Variants in ABCA13 observed in about 807,000 individuals in gnomAD.
ABCA13 encodes ATP binding cassette subfamily A member 13, also known as ATP-binding cassette sub-family A member 13.
ABCA13 carries 476 observed loss-of-function variants against 478.7 expected under a neutral mutation model. The ratio of observed to expected loss-of-function variants is 0.99; its 90% CI spans 0.92 to 1.07. ABCA13 has a LOEUF of 1.07. Ranked by LOEUF, ABCA13 falls within the 50% of genes least tolerant of loss-of-function variation. The probability of loss-of-function intolerance (pLI) is 0.00; values close to 1 mark genes in which losing one functional copy is unlikely to be tolerated. For synonymous variants in ABCA13, 2,252 were observed against 2,158.9 expected (o/e 1.04, Z -1.20); for missense variants, 6,060 against 5,910.6 (o/e 1.03, Z -0.83).
At chr7:48,454,493 C>G (rs1013915736) in intron 42 of ABCA13, among the ~76,000 whole-genome samples, 1 of 152,208 alleles carries the variant, frequency 6.6e-6, no homozygotes, top group Non-Finnish European at 1.5e-5. Flanking sequence ...TTCGCTGCGT[C>G]CCCCAGAGCA....
chr7:48,270,386 A>C (rs956295853), intron 16 of ABCA13, among the ~76,000 whole-genome samples: 6 of 141,258 alleles, frequency 4.2e-5, no homozygotes, highest in African/African-American at 1.5e-4. Flanking sequence ...AAAACGTGGC[A>C]ATAATACTAT....
At position 48,274,864 on chromosome 7, in the gene ABCA13, G is replaced by A. The variant is rs766374669; in HGVS notation, c.5198G>A (p.Arg1733His). The change falls in exon 17 of 62, where the codon CGC becomes CAC. Residue 1733 changes from arginine (R) to histidine (H), a missense_variant. By Grantham distance (29) the Arg-to-His change is conservative. This residue lies in a region of ABCA13 where 4,423 missense variants were observed against 4,309.1 expected (regional missense o/e 1.03). Coordinates refer to ENST00000435803, the MANE Select transcript of ABCA13 (RefSeq NM_152701.5). ...WNVNHLLQLS[R>H]LFPKDVVDAV... ...GTTAATCATCTGCTGCAGCTCTCAC[G>A]CCTGTTTCCTAAAGATGTTGTGGAT... 40 of 1,613,764 alleles carry A rather than the reference G, an allele frequency of 2.5e-5. No individual in the cohort carries two copies. Among genetic ancestry groups the A allele is most frequent in the Middle Eastern group, 3.3e-4 (2 of 6,084 alleles).
intron 20 of ABCA13, among the ~76,000 whole-genome samples, chr7:48,295,429 A>G (rs941253309): frequency 6.6e-6 from 1 of 152,180 alleles, no homozygotes; most frequent in Admixed American, 6.5e-5. Flanking sequence ...GAGCTTCAGG[A>G]AGTTAAGAGC....
At chr7:48,427,223 G>A (rs5028267) in intron 41 of ABCA13, among the ~76,000 whole-genome samples, 41,587 of 151,814 alleles carry the variant, frequency 0.27, 5,787 homozygotes, top group East Asian at 0.37. Flanking sequence ...ATAAACTGAG[G>A]TTGGACTTCT....
At chr7:48,632,834 C>A (rs1303109781) in intron 59 of ABCA13, among the ~76,000 whole-genome samples, 1 of 152,068 alleles carries the variant, frequency 6.6e-6, no homozygotes, top group East Asian at 1.9e-4. Flanking sequence ...ATCGTGTTTT[C>A]AATAAGTAGT....
chr7:48,226,038 G>A (rs1214477190), intron 5 of ABCA13, among the ~76,000 whole-genome samples: 1 of 152,172 alleles, frequency 6.6e-6, no homozygotes, highest in Non-Finnish European at 1.5e-5. Flanking sequence ...TGGAATGTGG[G>A]GCCTGGTAGG....
intron 42 of ABCA13, among the ~76,000 whole-genome samples, chr7:48,442,477 T>G (rs1422405260): frequency 6.6e-6 from 1 of 152,210 alleles, no homozygotes; most frequent in Non-Finnish European, 1.5e-5. Context: ...TTTGGGTCCT[T>G]TTTTAAAATA....
chr7:48,626,783 A>G, intron 59 of ABCA13: 1 of 985,394 alleles, frequency 1.0e-6, no homozygotes, highest in Non-Finnish European at 1.2e-6. Context: ...AGAGAAACAG[A>G]AGTTGGGTGG....
chr7:48,249,436 T>A (rs777473613), intron 15 of ABCA13, 85 bp downstream of exon 15: 32 of 1,558,904 alleles, frequency 2.1e-5, no homozygotes, highest in Admixed American at 7.6e-5. Flanking sequence ...TCCATCCTAT[T>A]TAACAAAGCG....
rs148640706 is a variant in ABCA13 at position 48,422,633 on chromosome 7, A to G, written c.12460-5133A>G. 3.0e-3 allele frequency among the ~76,000 whole-genome samples: 450 copies of G among 152,284 alleles called. 5 individuals are homozygous for G. The highest frequency in any genetic ancestry group is 0.01 in the Middle Eastern group (3 of 294). ...TTCTGTAGTCTCCAGGGACACCTCA[A>G]ATCAACAGCCCTTGTTTCAAAGGTG... On this transcript the variant is annotated intron_variant, in intron 41 of 61. Coordinates refer to ENST00000435803, the MANE Select transcript of ABCA13 (RefSeq NM_152701.5).
At chr7:48,259,506 G>A (rs576317228) in intron 15 of ABCA13, among the ~76,000 whole-genome samples, 1 of 152,146 alleles carries the variant, frequency 6.6e-6, no homozygotes, top group Admixed American at 6.5e-5. Flanking sequence ...TCGCATGTGA[G>A]ATGGGTCTCT....
chr7:48,362,520 G>T (rs1014603132), intron 31 of ABCA13, among the ~76,000 whole-genome samples: 1 of 139,328 alleles, frequency 7.2e-6, no homozygotes, highest in Non-Finnish European at 1.5e-5. Flanking sequence ...TGTGTCTCTT[G>T]TATGCATTAT....
At chr7:48,482,392 T>G (rs1462866972) in intron 46 of ABCA13, among the ~76,000 whole-genome samples, 1 of 152,126 alleles carries the variant, frequency 6.6e-6, no homozygotes, top group East Asian at 1.9e-4. Flanking sequence ...GAAATTTTTT[T>G]TTTTTTTGAA....
At chr7:48,414,541 CAT>C (rs900092445) in intron 41 of ABCA13, among the ~76,000 whole-genome samples, 1 of 149,480 alleles carries the variant, frequency 6.7e-6, no homozygotes, top group Admixed American at 6.7e-5. Flanking sequence ...TAAAATAATA[CAT>C]ATATATTACA....
rs1584587217 is a variant in ABCA13, at chr7:48,278,311, A to C, written c.7117A>C (p.Thr2373Pro). Residue 2373 changes from threonine (T) to proline (P), a missense_variant, in exon 18 of 62, where the codon ACT (threonine) becomes CCT (proline). Around this residue, in one of 3 missense-constraint regions of ABCA13, gnomAD observed 4,423 missense variants for 4,309.1 expected, o/e 1.03. Transcript: ENST00000435803. The part of the protein sequence containing the change: ...QDLFNALLRE[T>P]SMKNKTENNI... The stretch of plus-strand genomic sequence containing the variant: ...TTTATTTAATGCCCTTCTCAGGGAA[A>C]CTTCAATGAAAAATAAGACTGAAAA... 2 of 1,612,786 alleles carry C rather than the reference A, an allele frequency of 1.2e-6. No homozygotes were observed. Among genetic ancestry groups the C allele is most frequent in the Admixed American group, 3.3e-5 (2 of 59,830 alleles).
At chr7:48,525,610 C>G (rs10277088) in intron 54 of ABCA13, among the ~76,000 whole-genome samples, 24,775 of 150,364 alleles carry the variant, frequency 0.16, 2,237 homozygotes, top group East Asian at 0.29. Context: ...AAGAGTATGA[C>G]CCAATTAATG....
At chr7:48,350,936 C>A in intron 30 of ABCA13, 117 bp downstream of exon 30, 1 of 1,050,012 alleles carries the variant, frequency 9.5e-7, no homozygotes, top group Non-Finnish European at 1.3e-6. Context: ...AAGTCCTTTC[C>A]AGATAAAACA....
chr7:48,539,354 C>A (rs1833811893), intron 55 of ABCA13, among the ~76,000 whole-genome samples: 1 of 151,430 alleles, frequency 6.6e-6, no homozygotes, highest in African/African-American at 2.4e-5. Flanking sequence ...ATGTTTAATG[C>A]TTAGGTGAAT....
intron 42 of ABCA13, among the ~76,000 whole-genome samples, chr7:48,448,919 G>T (rs56244801): frequency 0.3 from 45,254 of 151,868 alleles, 6,828 homozygotes; most frequent in East Asian, 0.38. Context: ...CTTGGCTCAC[G>T]GTAACCTCTA....
Sources: allele counts gnomAD v4.1 joint callset (sites outside exome capture counted in the v4.1 genomes callset), GRCh38; gene constraint gnomAD v4.1.1; regional missense constraint gnomAD v4.1.1; transcripts MANE v1.5; gene names NCBI Gene and HGNC (gene_info 2026-07-23, HGNC 2026-07-21).